The following NLGN1 variants were observed in gnomAD, a reference collection of about 807,000 sequenced individuals.
NLGN1 encodes neuroligin-1.
A neutral mutation model predicts 65.5 loss-of-function variants in NLGN1; 12 were observed. The ratio of observed to expected loss-of-function variants is 0.18; its 90% confidence interval spans 0.12 to 0.30. NLGN1 has a LOEUF of 0.30. NLGN1 is among the 10% of genes least tolerant of loss of function. The pLI is 1.00. For synonymous variants in NLGN1, 350 were observed against 359.5 expected, an observed-to-expected ratio of 0.97 and a Z score of 0.30; for missense variants, 750 against 1,007.1, an observed-to-expected ratio of 0.74 and a Z score of 3.46.
At chr3:173,924,467 T>C (rs571486858) in intron 4 of NLGN1, among the ~76,000 whole-genome samples, 9 of 152,064 alleles carry the variant, frequency 5.9e-5, no homozygotes, top group East Asian at 5.8e-4. Flanking sequence ...AGGTCTTAAA[T>C]TGATGTGGCC....
chr3:174,056,005 A>G (rs73186504), intron 4 of NLGN1, among the ~76,000 whole-genome samples: 35 of 152,044 alleles, frequency 2.3e-4, no homozygotes, highest in Non-Finnish European at 4.9e-4. Context: ...AGAGCAGATT[A>G]TATGCTAAGT....
intron 3 of NLGN1, among the ~76,000 whole-genome samples, chr3:173,749,865 T>A (rs956532833): frequency 7.2e-5 from 11 of 152,104 alleles, no homozygotes; most frequent in Non-Finnish European, 1.5e-4. Context: ...GGTGACTATA[T>A]TACATTCCAG....
chr3:173,504,695 A>G (rs1242282811), intron 2 of NLGN1, among the ~76,000 whole-genome samples: 2 of 152,000 alleles, frequency 1.3e-5, no homozygotes, highest in Non-Finnish European at 2.9e-5. Flanking sequence ...ACTCTCCACC[A>G]AAATAGACTT....
At chr3:173,893,210 T>A (rs1177632240) in intron 4 of NLGN1, among the ~76,000 whole-genome samples, 3 of 152,060 alleles carry the variant, frequency 2.0e-5, no homozygotes, top group African/African-American at 7.2e-5. Context: ...AAGACACTCA[T>A]CCATCTAGTC....
intron 4 of NLGN1, among the ~76,000 whole-genome samples, chr3:173,995,350 G>A (rs1443599492): frequency 6.6e-6 from 1 of 152,102 alleles, no homozygotes; most frequent in African/African-American, 2.4e-5. Context: ...ACAGGGACAT[G>A]GAAGAAAACA....
chr3:173,530,447 G>A lies in NLGN1; in HGVS notation c.-320-73832G>A, dbSNP rs142180933. ...AAACAGAAGTTAAACTCACCTAGGG[G>A]AGAGATATTTTCTGTTGGAAAGTAG... On this transcript the variant is annotated intron_variant, in intron 2 of 6. Coordinates refer to ENST00000457714, the Ensembl canonical transcript of NLGN1. Among the ~76,000 whole-genome samples, 1,020 of 152,288 alleles carry A rather than the reference G, an allele frequency of 6.7e-3. 18 individuals are homozygous for A. Among genetic ancestry groups the A allele is most frequent in the African/African-American group, 0.023 (965 of 41,560 alleles).
intron 3 of NLGN1, among the ~76,000 whole-genome samples, chr3:173,767,620 AGC>A (rs1450205533): frequency 3.9e-5 from 6 of 152,240 alleles, no homozygotes; most frequent in African/African-American, 9.6e-5. Context: ...TAAATTGTCC[AGC>A]CAATTCATTG....
At position 174,211,922 on chromosome 3, in the gene NLGN1, G is replaced by A. The variant is rs532244897; in HGVS notation, c.647-63393G>A. Among the ~76,000 whole-genome samples, 4 of 152,228 alleles carry A rather than the reference G, an allele frequency of 2.6e-5. No individual in the cohort carries two copies. The South Asian group carries it at 6.2e-4, about 24-fold the overall frequency. Reference sequence around the variant, plus strand: ...CAGCTGGCTTCACCCAGTAGATCCCGCACTGGGGCTGCAGGTGGAGCTGCC... The same window carrying A: ...CAGCTGGCTTCACCCAGTAGATCCCACACTGGGGCTGCAGGTGGAGCTGCC... On this transcript the variant is annotated intron_variant, in intron 4 of 6. Transcript: ENST00000457714.
intron 4 of NLGN1, among the ~76,000 whole-genome samples, chr3:173,809,254 C>T (rs893539819): frequency 6.6e-6 from 1 of 152,108 alleles, no homozygotes; most frequent in African/African-American, 2.4e-5. Context: ...GTATTTAAGA[C>T]ATATAAATAA....
intron 2 of NLGN1, among the ~76,000 whole-genome samples, chr3:173,512,657 A>T (rs1362106316): frequency 6.6e-6 from 1 of 152,190 alleles, no homozygotes; most frequent in African/African-American, 2.4e-5. Flanking sequence ...GAGTGGACAC[A>T]CAGGGATGGA....
chr3:173,396,007 G>A (rs903118096), upstream of NLGN1, among the ~76,000 whole-genome samples: 3 of 152,140 alleles, frequency 2.0e-5, no homozygotes, highest in Non-Finnish European at 2.9e-5. Context: ...GAGAGAAGGT[G>A]GCAGTGTGTG....
At chr3:173,777,387 T>C (rs567977829) in intron 3 of NLGN1, among the ~76,000 whole-genome samples, 1 of 151,996 alleles carries the variant, frequency 6.6e-6, no homozygotes, top group East Asian at 1.9e-4. Flanking sequence ...ATCTTGTTTT[T>C]AATTGATATA....
chr3:173,583,403 G>A lies in NLGN1; in HGVS notation c.-320-20876G>A, dbSNP rs963265424. Among the ~76,000 whole-genome samples, 11 of 152,170 alleles carry A rather than the reference G, an allele frequency of 7.2e-5. No homozygotes were observed. In the South Asian group the frequency reaches 1.2e-3, roughly 17 times the overall value. The stretch of plus-strand genomic sequence containing the variant: ...TAGTGTTAATAGATAAATTAGCCGT[G>A]GGCCAAAAAGTGATGGCCCAAAGTC... On this transcript the variant is annotated intron_variant, in intron 2 of 6. Coordinates refer to ENST00000457714, the Ensembl canonical transcript of NLGN1.
chr3:174,082,882 G>A (rs57713118), intron 4 of NLGN1, among the ~76,000 whole-genome samples: 22,682 of 151,652 alleles, frequency 0.15, 1,979 homozygotes, highest in African/African-American at 0.24. Context: ...CACCACGCCC[G>A]GCTAATTTTT....
At chr3:174,232,638 C>T (rs1577482504) in intron 4 of NLGN1, among the ~76,000 whole-genome samples, 2 of 151,924 alleles carry the variant, frequency 1.3e-5, no homozygotes, top group South Asian at 2.1e-4. Context: ...ATAATGTGGC[C>T]GGAAACAGGT....
At chr3:173,634,863 C>T (rs1399497421) in intron 3 of NLGN1, among the ~76,000 whole-genome samples, 1 of 152,006 alleles carries the variant, frequency 6.6e-6, no homozygotes, top group Non-Finnish European at 1.5e-5. Flanking sequence ...CTGAGAGATG[C>T]AGAAAGCGCT....
intron 4 of NLGN1, among the ~76,000 whole-genome samples, chr3:173,942,154 GTGTA>G (rs1390995751): frequency 6.8e-6 from 1 of 147,438 alleles, no homozygotes; most frequent in African/African-American, 2.5e-5. Context: ...GTGTGTGTGT[GTGTA>G]TGTGTATATA....
rs117276728 is a variant in NLGN1, at chr3:174,231,514, A to G, written c.647-43801A>G. On this transcript the variant is annotated intron_variant, in intron 4 of 6. Transcript: ENST00000457714. ...TGCATACTACTAAGCTAGGTTTTCA[A>G]TTTTGTCTGACTATTAAGCTAGGGT... Among the ~76,000 whole-genome samples the G allele has an allele frequency of 1.6e-4, 25 of 152,250 alleles. No homozygotes were observed. In the East Asian group the frequency reaches 4.1e-3, roughly 25 times the overall value.
At chr3:174,043,132 G>A (rs1732730072) in intron 4 of NLGN1, among the ~76,000 whole-genome samples, 2 of 152,110 alleles carry the variant, frequency 1.3e-5, no homozygotes, top group South Asian at 2.1e-4. Flanking sequence ...CAGTATAAGG[G>A]AAGCTTTTCC....
Sources: allele counts gnomAD v4.1 joint callset (sites outside exome capture counted in the v4.1 genomes callset), GRCh38; gene constraint gnomAD v4.1.1; transcripts MANE v1.5; gene names NCBI Gene and HGNC (gene_info 2026-07-23, HGNC 2026-07-21).